TRIM5: variants seen among roughly 807,000 people sequenced by gnomAD.
The protein encoded by TRIM5 is tripartite motif-containing protein 5.
TRIM5 carries 31 observed loss-of-function variants against 35.6 expected under a neutral mutation model. That is an observed-to-expected ratio of 0.87 (90% CI 0.65 to 1.18). The LOEUF (loss-of-function observed/expected upper bound fraction) is 1.18, where lower values mean the gene tolerates loss of function less well. TRIM5 is among the 50% of genes most tolerant of loss of function. The pLI is 0.00. For synonymous variants in TRIM5, 243 were observed against 215.6 expected (o/e 1.13, Z -1.11); for missense variants, 609 against 591.6 (o/e 1.03, Z -0.31).
chr11:5,608,521 T>G, the TRIM5 span: 1 of 1,413,926 alleles, frequency 7.1e-7, no homozygotes, highest in Non-Finnish European at 9.5e-7. Context: ...GAATCGCGCA[T>G]CACATGGAGT....
At chr11:5,676,703 T>C (rs1261368691) in intron 4 of TRIM5, among the ~76,000 whole-genome samples, 1 of 149,146 alleles carries the variant, frequency 6.7e-6, no homozygotes, top group Non-Finnish European at 1.5e-5. Context: ...CTTCAAACTA[T>C]ACTACAAGGC....
At chr11:5,655,800 C>T in the TRIM5 span, 1 of 558,708 alleles carries the variant, frequency 1.8e-6, no homozygotes, top group Non-Finnish European at 2.3e-6. Flanking sequence ...TAAAAATGAG[C>T]AAACTTCCAT....
the TRIM5 span, among the ~76,000 whole-genome samples, chr11:5,655,165 C>T: frequency 2.7e-5 from 4 of 149,504 alleles, no homozygotes; most frequent in Non-Finnish European, 4.4e-5. Context: ...TGCACTCCAG[C>T]TTGGGCAACA....
the TRIM5 span, chr11:5,603,757 G>T: frequency 6.2e-7 from 1 of 1,609,140 alleles, no homozygotes; most frequent in Non-Finnish European, 8.5e-7. Context: ...GGATGGAATG[G>T]GAGACAGAGA....
At chr11:5,650,406 G>C in the TRIM5 span, among the ~76,000 whole-genome samples, 1 of 152,144 alleles carries the variant, frequency 6.6e-6, no homozygotes, top group South Asian at 2.1e-4. Context: ...GGTACTTCAG[G>C]GATATCCCAG....
At chr11:5,629,709 G>A in the TRIM5 span, among the ~76,000 whole-genome samples, 1 of 152,108 alleles carries the variant, frequency 6.6e-6, no homozygotes, top group Admixed American at 6.5e-5. Flanking sequence ...GGATTCTTTT[G>A]TTTTGTTTTG....
chr11:5,632,242 T>G, the TRIM5 span: 16 of 1,583,686 alleles, frequency 1.0e-5, no homozygotes, highest in Non-Finnish European at 1.4e-5. Flanking sequence ...CCATCCCCTT[T>G]CAATCTTCTC....
the TRIM5 span, among the ~76,000 whole-genome samples, chr11:5,618,035 T>G: frequency 2.6e-5 from 4 of 152,210 alleles, no homozygotes; most frequent in African/African-American, 7.2e-5. Flanking sequence ...ATACCTATTT[T>G]TGTAAATGTA....
the TRIM5 span, among the ~76,000 whole-genome samples, chr11:5,601,537 C>T: frequency 6.6e-6 from 1 of 152,252 alleles, no homozygotes; most frequent in East Asian, 1.9e-4. Context: ...GCAGGCAGAT[C>T]ACTTGAGGTC....
chr11:5,660,879 A>G (rs1227741930), downstream of TRIM5, among the ~76,000 whole-genome samples: 1 of 151,554 alleles, frequency 6.6e-6, no homozygotes. Flanking sequence ...TGACTCTACT[A>G]AAAATACCAA....
chr11:5,617,678 C>T, the TRIM5 span, among the ~76,000 whole-genome samples: 4 of 142,488 alleles, frequency 2.8e-5, 1 homozygote, highest in East Asian at 4.6e-4. Flanking sequence ...TTAGTAGAGA[C>T]GGGGTTTCGC....
At chr11:5,607,527 A>T in the TRIM5 span, among the ~76,000 whole-genome samples, 1 of 152,164 alleles carries the variant, frequency 6.6e-6, no homozygotes, top group Non-Finnish European at 1.5e-5. Context: ...AGATGTATGG[A>T]GCACAAGATA....
chr11:5,634,805 G>C, the TRIM5 span: 2 of 1,613,678 alleles, frequency 1.2e-6, no homozygotes, highest in Admixed American at 1.7e-5. Flanking sequence ...GTTGGTGAGA[G>C]AGCTCATCTC....
chr11:5,629,208 C>T, the TRIM5 span, among the ~76,000 whole-genome samples: 1 of 151,592 alleles, frequency 6.6e-6, no homozygotes, highest in Non-Finnish European at 1.5e-5. Context: ...ACCTGGGAGG[C>T]GGGGGTTGCA....
chr11:5,589,940 G>A, the TRIM5 span: 1 of 153,764 alleles, frequency 6.5e-6, no homozygotes, highest in South Asian at 2.0e-4. Flanking sequence ...GGAGTTCCGG[G>A]TGGGCGTGGG....
At chr11:5,591,649 C>CA in the TRIM5 span, among the ~76,000 whole-genome samples, 3,158 of 118,836 alleles carry the variant, frequency 0.027, 84 homozygotes, top group African/African-American at 0.081. Context: ...AACTCCGCCT[C>CA]AAAAAAAAAA....
At chr11:5,668,314 A>G (rs1011609661) in intron 4 of TRIM5, among the ~76,000 whole-genome samples, 9 of 151,950 alleles carry the variant, frequency 5.9e-5, no homozygotes, top group Admixed American at 2.6e-4. Context: ...AAGAAAACAT[A>G]TATATATAAA....
At chr11:5,588,783 T>G in the TRIM5 span, 3 of 674 alleles carry the variant, frequency 4.5e-3, no homozygotes, top group Non-Finnish European at 0.067. Context: ...TGCCCACAGA[T>G]TTTTTTTTTT....
Position 5,679,810 on chromosome 11 carries a change from T to C in TRIM5, c.368A>G (p.His123Arg). 6.2e-7 allele frequency: 1 copy of C among 1,612,184 alleles called. No individual in the cohort carries two copies. The highest frequency in any genetic ancestry group is 8.5e-7 in the Non-Finnish European group (1 of 1,179,128). ...ICWLCERSQE[H>R]RGHHTFLTEE... ...TGTGAGGAACGTGTGGTGACCACGG[T>C]GCTCCTGAGACCGCTCACAAAGCCA... The change falls in exon 2 of 8, where the codon CAC becomes CGC. Residue 123 changes from histidine to arginine, a missense_variant. Transcript: ENST00000380034.
Sources: gnomAD v4.1 joint callset for allele counts (sites outside exome capture counted in the v4.1 genomes callset) on GRCh38, gnomAD v4.1.1 for gene constraint, MANE v1.5 for transcripts, NCBI Gene and HGNC (gene_info 2026-07-23, HGNC 2026-07-21) for gene names.